The following ANK1 variants were observed in gnomAD, a reference collection of about 807,000 sequenced individuals.
The protein encoded by ANK1 is ankyrin 1, also known as ankyrin-1.
A neutral mutation model predicts 210.4 loss-of-function variants in ANK1; 51 were observed. That is an observed-to-expected ratio of 0.24 (90% CI 0.19 to 0.31). The LOEUF (loss-of-function observed/expected upper bound fraction) is 0.31, where lower values mean the gene tolerates loss of function less well. Ranked by LOEUF, ANK1 falls within the 10% of genes least tolerant of loss-of-function variation. The pLI, the probability that ANK1 is intolerant of heterozygous loss-of-function variation, is 1.00. For missense variants in ANK1, 2,051 were observed against 2,504.4 expected, an observed-to-expected ratio of 0.82 and a Z score of 3.86; for synonymous variants, 967 against 1,025.9, an observed-to-expected ratio of 0.94 and a Z score of 1.10.
chr8:41,658,899 TAA>T, intron 42 of ANK1, among the ~76,000 whole-genome samples: 1 of 51,324 alleles, frequency 1.9e-5, no homozygotes, highest in Non-Finnish European at 3.6e-5. Flanking sequence ...TCTCAAAATA[TAA>T]ATAAATAAAT....
chr8:41,824,881 G>GC (rs1407314734), intron 1 of ANK1, among the ~76,000 whole-genome samples: 3 of 152,224 alleles, frequency 2.0e-5, no homozygotes, highest in Non-Finnish European at 4.4e-5. Context: ...CAGAGCTGGG[G>GC]CTGGCTGGCT....
chr8:41,666,311 G>A (rs1810540256), intron 39 of ANK1, among the ~76,000 whole-genome samples: 1 of 152,220 alleles, frequency 6.6e-6, no homozygotes, highest in Admixed American at 6.5e-5. Context: ...TCCTAACCAA[G>A]GAGGTTCTAT....
intron 1 of ANK1, among the ~76,000 whole-genome samples, chr8:41,895,600 G>A (rs1258860204): frequency 6.6e-6 from 1 of 152,126 alleles, no homozygotes; most frequent in Non-Finnish European, 1.5e-5. Context: ...TCTGCCCATG[G>A]GCAGAGCTGG....
chr8:41,705,219 T>TGGTGCCA (rs1029708225), intron 18 of ANK1, among the ~76,000 whole-genome samples: 3 of 152,170 alleles, frequency 2.0e-5, no homozygotes, highest in Non-Finnish European at 2.9e-5. Flanking sequence ...CCCGGGAAGC[T>TGGTGCCA]GGTGCCAGAT....
intron 1 of ANK1, among the ~76,000 whole-genome samples, chr8:41,779,245 C>A (rs1844770156): frequency 6.6e-6 from 1 of 151,990 alleles, no homozygotes; most frequent in Non-Finnish European, 1.5e-5. Context: ...TCTACACCTA[C>A]AGATGCTAGA....
At chr8:41,790,717 T>A (rs377605242) in intron 1 of ANK1, among the ~76,000 whole-genome samples, 1 of 152,206 alleles carries the variant, frequency 6.6e-6, no homozygotes, top group African/African-American at 2.4e-5. Context: ...CTTTGAGATA[T>A]AAAACCCCTT....
intron 1 of ANK1, among the ~76,000 whole-genome samples, chr8:41,805,516 A>T (rs1850834074): frequency 6.6e-6 from 1 of 152,032 alleles, no homozygotes; most frequent in Non-Finnish European, 1.5e-5. Context: ...CCGAGTACTA[A>T]GATTACAAGC....
intron 22 of ANK1, chr8:41,700,497 G>T: frequency 6.2e-7 from 1 of 1,600,788 alleles, no homozygotes; most frequent in South Asian, 1.1e-5. Flanking sequence ...GGACCACATT[G>T]AAGGCAGTTA....
At chr8:41,687,657 G>T (rs557251237) in intron 35 of ANK1, among the ~76,000 whole-genome samples, 1 of 152,184 alleles carries the variant, frequency 6.6e-6, no homozygotes, top group Non-Finnish European at 1.5e-5. Context: ...CTGCAACCCC[G>T]TGTCTCCGTG....
Position 41,757,819 on chromosome 8 carries a change from T to G in ANK1, c.129+217A>C, listed in dbSNP as rs563161269. 2.0e-4 allele frequency among the ~76,000 whole-genome samples: 30 copies of G among 152,328 alleles called. 1 individual carries two copies. The highest frequency in any genetic ancestry group is 5.3e-4 in the African/African-American group (22 of 41,584). On this transcript the variant is annotated intron_variant, in intron 2 of 42. Coordinates refer to ENST00000289734, the MANE Select transcript of ANK1 (RefSeq NM_000037.4). ...AGACCGCAGGGGATCTGTGCGGGCC[T>G]CGCCCACACTGTTCAGGCATCAGCC...
chr8:41,688,108 G>A, intron 35 of ANK1, 48 bp downstream of exon 35: 1 of 1,566,276 alleles, frequency 6.4e-7, no homozygotes, highest in Non-Finnish European at 8.8e-7. Flanking sequence ...GGGGAAGAGG[G>A]TAGGTGAGAT....
chr8:41,756,289 G>T (rs1839135488), intron 2 of ANK1, among the ~76,000 whole-genome samples: 1 of 151,336 alleles, frequency 6.6e-6, no homozygotes, highest in Non-Finnish European at 1.5e-5. Flanking sequence ...GGGACTATAG[G>T]CACGCACCAC....
Position 41,742,633 on chromosome 8 carries a change from C to A in ANK1, c.130-8564G>T, listed in dbSNP as rs528554383. Among the ~76,000 whole-genome samples the A allele has an allele frequency of 1.8e-4, 28 of 152,282 alleles. No individual in the cohort carries two copies. In the South Asian group the frequency reaches 5.6e-3, roughly 30 times the overall value. On this transcript the variant is annotated intron_variant, in intron 2 of 42. Coordinates refer to ENST00000289734, the MANE Select transcript of ANK1 (RefSeq NM_000037.4). ...CGGGAAACACAAACTTTGCATCAAT[C>A]AATATCTATTATCCAATGATTGGTC...
chr8:41,895,979 C>G (rs1412657175), intron 1 of ANK1, among the ~76,000 whole-genome samples: 2 of 152,076 alleles, frequency 1.3e-5, no homozygotes, highest in African/African-American at 4.8e-5. Flanking sequence ...GCGGGTGCGG[C>G]GCGCCCGAGC....
At position 41,790,774 on chromosome 8, in the gene ANK1, G is replaced by A. The variant is rs139065912; in HGVS notation, c.27+6738C>T. ...CTGATGGCGGAACTTTAGACTTTCT[G>A]GCTAATGGGGGTTGGGGGAGGTATT... On this transcript the variant is annotated intron_variant, in intron 1 of 42. Transcript: ENST00000289734. Among the ~76,000 whole-genome samples the A allele has an allele frequency of 3.7e-3, 562 of 152,302 alleles. 4 individuals carry two copies. Among genetic ancestry groups the A allele is most frequent in the Admixed American group, 9.1e-3 (140 of 15,302 alleles).
At chr8:41,711,266 T>C (rs1826040796) in intron 16 of ANK1, among the ~76,000 whole-genome samples, 1 of 152,128 alleles carries the variant, frequency 6.6e-6, no homozygotes, top group Admixed American at 6.5e-5. Flanking sequence ...TTTCACTATG[T>C]AAATGAAAAA....
intron 6 of ANK1, among the ~76,000 whole-genome samples, 196 bp downstream of exon 6, chr8:41,725,565 G>A (rs1409250819): frequency 6.6e-6 from 1 of 152,210 alleles, no homozygotes; most frequent in African/African-American, 2.4e-5. Flanking sequence ...CCAAGAGCAC[G>A]TTTCTGGGCA....
intron 37 of ANK1, among the ~76,000 whole-genome samples, chr8:41,682,850 A>G (rs932136601): frequency 1.3e-5 from 2 of 152,216 alleles, no homozygotes; most frequent in Non-Finnish European, 2.9e-5. Flanking sequence ...ACACATGGGA[A>G]GGGAGAGGAG....
chr8:41,663,458 T>A (rs1466568580), intron 40 of ANK1, among the ~76,000 whole-genome samples: 1 of 152,178 alleles, frequency 6.6e-6, no homozygotes, highest in African/African-American at 2.4e-5. Flanking sequence ...ACAAAGCGGT[T>A]GTGAGGACAC....
Sources: allele counts gnomAD v4.1 joint callset (sites outside exome capture counted in the v4.1 genomes callset), GRCh38; gene constraint gnomAD v4.1.1; transcripts MANE v1.5; gene names NCBI Gene and HGNC (gene_info 2026-07-23, HGNC 2026-07-21).